SYT14: variants seen among roughly 807,000 people sequenced by gnomAD.
SYT14 encodes synaptotagmin-14.
SYT14 carries 32 observed loss-of-function variants against 74.2 expected under a neutral mutation model. The observed-to-expected ratio is 0.43, with a 90% CI of 0.33 to 0.58. The LOEUF (loss-of-function observed/expected upper bound fraction) is 0.58. Among genes scored for constraint, SYT14 ranks in the 20% least tolerant of loss-of-function variants. The pLI is 0.05. For missense variants in SYT14, 791 were observed against 981.8 expected (o/e 0.81, Z 2.60); for synonymous variants, 298 against 337.7 (o/e 0.88, Z 1.29).
intron 5 of SYT14, among the ~76,000 whole-genome samples, chr1:210,041,575 G>GA (rs1338765920): frequency 6.6e-6 from 1 of 152,034 alleles, no homozygotes; most frequent in Non-Finnish European, 1.5e-5. Flanking sequence ...TACACTAAGT[G>GA]AAAAAAGCAA....
intron 2 of SYT14, among the ~76,000 whole-genome samples, chr1:210,009,132 A>G (rs2080041259): frequency 6.6e-6 from 1 of 152,234 alleles, no homozygotes; most frequent in African/African-American, 2.4e-5. Context: ...CATGAGTTGG[A>G]CAAGCATGTT....
intron 7 of SYT14, among the ~76,000 whole-genome samples, chr1:210,121,026 C>G (rs1228362036): frequency 6.6e-6 from 1 of 152,198 alleles, no homozygotes; most frequent in Non-Finnish European, 1.5e-5. Flanking sequence ...TTGGGAGCAT[C>G]TGCAGTCTCT....
At chr1:210,009,681 T>C (rs1406662664) in intron 2 of SYT14, among the ~76,000 whole-genome samples, 1 of 152,180 alleles carries the variant, frequency 6.6e-6, no homozygotes, top group African/African-American at 2.4e-5. Flanking sequence ...TTTTCAAATT[T>C]TGTTAACTAA....
chr1:210,131,530 AT>A (rs1417687804), intron 7 of SYT14, among the ~76,000 whole-genome samples: 2 of 151,314 alleles, frequency 1.3e-5, no homozygotes, highest in Non-Finnish European at 2.9e-5. Context: ...TTATCCTTCT[AT>A]TTTTTATCAT....
chr1:210,169,221 G>GTTTTTTTTTTTTTTTT (rs35974726), exon 10 of SYT14: 7 of 50,240 alleles, frequency 1.4e-4, no homozygotes, highest in East Asian at 4.9e-4. Context: ...TGTTTTTGGT[G>GTTTTTTTTTTTTTTTT]TTTTTTTTTT....
chr1:210,167,875 T>C (rs1420324719), exon 10 of SYT14: 3 of 152,216 alleles, frequency 2.0e-5, no homozygotes, highest in East Asian at 3.9e-4. Flanking sequence ...CTTATTCATA[T>C]ACACTCAAAC....
rs1339916361 is a variant in SYT14 at position 210,137,575 on chromosome 1, G to A, written c.2035-18146G>A. ...AAAGATATTTAATTAACCTCTCCAG[G>A]CCTTATTTTTTTTTTTCATTTCTAA... On this transcript the variant is annotated intron_variant, in intron 7 of 9. Transcript: ENST00000637265. Among the ~76,000 whole-genome samples, 5 of 151,462 alleles carry A rather than the reference G, an allele frequency of 3.3e-5. No individual in the cohort carries two copies. The East Asian group carries it at 9.7e-4, about 29-fold the overall frequency.
chr1:209,976,092 C>G (rs1247373849), intron 2 of SYT14, among the ~76,000 whole-genome samples: 1 of 152,064 alleles, frequency 6.6e-6, no homozygotes, highest in East Asian at 1.9e-4. Context: ...ATTCTTCTCT[C>G]TTTTCTTCTT....
chr1:209,990,508 A>T (rs2079644980), intron 2 of SYT14, among the ~76,000 whole-genome samples: 1 of 16,746 alleles, frequency 6.0e-5, no homozygotes, highest in South Asian at 3.7e-3. Context: ...ATTTTTAAGG[A>T]TGAAGGAATA....
intron 7 of SYT14, among the ~76,000 whole-genome samples, chr1:210,128,776 T>A (rs2082619479): frequency 6.6e-6 from 1 of 152,186 alleles, no homozygotes; most frequent in Non-Finnish European, 1.5e-5. Context: ...AGCCTAGGAA[T>A]CTATTTTAAA....
intron 1 of SYT14, among the ~76,000 whole-genome samples, chr1:209,947,545 T>C (rs903033113): frequency 6.6e-6 from 1 of 152,262 alleles, no homozygotes; most frequent in African/African-American, 2.4e-5. Context: ...ACTACATTGC[T>C]GAAATCTCAT....
chr1:209,996,802 T>A (rs1212236673), intron 2 of SYT14, among the ~76,000 whole-genome samples: 1 of 152,188 alleles, frequency 6.6e-6, no homozygotes, highest in African/African-American at 2.4e-5. Context: ...GATGCAAGGT[T>A]GTTCCAACAT....
intron 2 of SYT14, among the ~76,000 whole-genome samples, chr1:209,956,155 C>T (rs12409582): frequency 0.035 from 5,266 of 152,098 alleles, 614 homozygotes; most frequent in Admixed American, 0.23. Context: ...CCACCCTTCC[C>T]GCTATATTGA....
intron 5 of SYT14, among the ~76,000 whole-genome samples, chr1:210,079,165 T>C (rs1202854413): frequency 2.6e-5 from 4 of 152,108 alleles, no homozygotes; most frequent in Admixed American, 6.5e-5. Context: ...CAGCCTTTTT[T>C]CATCATTGCT....
intron 7 of SYT14, among the ~76,000 whole-genome samples, chr1:210,132,823 G>A (rs1322833070): frequency 6.6e-6 from 1 of 152,010 alleles, no homozygotes; most frequent in East Asian, 1.9e-4. Flanking sequence ...CTCTCTTCTG[G>A]ATTCTAGCGT....
chr1:210,133,464 G>C (rs534470892), intron 7 of SYT14, among the ~76,000 whole-genome samples: 1 of 152,136 alleles, frequency 6.6e-6, no homozygotes, highest in Non-Finnish European at 1.5e-5. Context: ...ATAGCAAATA[G>C]GTTTATTTCA....
In SYT14 at chr1:209,991,348, G is replaced by T. The variant is rs550061877; in HGVS notation, c.-485-22285G>T. Among the ~76,000 whole-genome samples the T allele has an allele frequency of 9.2e-5, 14 of 152,208 alleles. No individual in the cohort carries two copies. The East Asian group carries it at 2.5e-3, about 27-fold the overall frequency. The stretch of plus-strand genomic sequence containing the variant: ...AATCAACACAGTGAACAGACAACCT[G>T]CAGAATGGGGGAAAATACTAGCCAA... On this transcript the variant is annotated intron_variant, in intron 2 of 9. Coordinates refer to ENST00000637265, the Ensembl canonical transcript of SYT14.
At chr1:210,073,977 A>G (rs2081442909) in intron 5 of SYT14, among the ~76,000 whole-genome samples, 1 of 152,116 alleles carries the variant, frequency 6.6e-6, no homozygotes, top group Non-Finnish European at 1.5e-5. Flanking sequence ...TTTAATAAAA[A>G]CTCAGATGTA....
At chr1:210,139,265 CTTTTTTT>C (rs960923188) in intron 7 of SYT14, among the ~76,000 whole-genome samples, 5,425 of 95,840 alleles carry the variant, frequency 0.057, 126 homozygotes, top group Middle Eastern at 0.17. Flanking sequence ...TTTCTTTTTT[CTTTTTTT>C]TTTTTTTTTT....
Sources: allele counts gnomAD v4.1 joint callset (sites outside exome capture counted in the v4.1 genomes callset), GRCh38; gene constraint gnomAD v4.1.1; transcripts MANE v1.5; gene names NCBI Gene and HGNC (gene_info 2026-07-23, HGNC 2026-07-21).